KCND2: variants seen among roughly 807,000 people sequenced by gnomAD.
KCND2 encodes the protein A-type voltage-gated potassium channel KCND2.
KCND2 carries 16 observed loss-of-function variants against 54.4 expected under a neutral mutation model. The ratio of observed to expected loss-of-function variants is 0.29; its 90% CI spans 0.20 to 0.45. The LOEUF is 0.45. Ranked by LOEUF, KCND2 falls within the 20% of genes least tolerant of loss-of-function variation. The pLI, the probability that KCND2 is intolerant of heterozygous loss-of-function variation, is 1.00. For missense variants in KCND2, 486 were observed against 824.2 expected, an observed-to-expected ratio of 0.59 and a Z score of 5.02; for synonymous variants, 317 against 310.7, an observed-to-expected ratio of 1.02 and a Z score of -0.21.
At chr7:120,574,742 GT>G (rs994738237) in intron 1 of KCND2, among the ~76,000 whole-genome samples, 5 of 151,716 alleles carry the variant, frequency 3.3e-5, no homozygotes, top group Admixed American at 6.6e-5. Flanking sequence ...ACCATTCTAG[GT>G]TTTTTTTCTC....
chr7:120,584,315 T>G (rs980104876), intron 1 of KCND2, among the ~76,000 whole-genome samples: 3 of 152,214 alleles, frequency 2.0e-5, no homozygotes, highest in African/African-American at 4.8e-5. Context: ...GTCATGGTTT[T>G]TACTGATCAT....
chr7:120,312,989 T>C (rs1373504346), intron 1 of KCND2, among the ~76,000 whole-genome samples: 1 of 152,210 alleles, frequency 6.6e-6, no homozygotes, highest in Admixed American at 6.5e-5. Flanking sequence ...GCATCTCTAA[T>C]GTGACAGTTT....
At chr7:120,520,012 TA>T (rs1791668135) in intron 1 of KCND2, among the ~76,000 whole-genome samples, 1 of 152,088 alleles carries the variant, frequency 6.6e-6, no homozygotes, top group African/African-American at 2.4e-5. Flanking sequence ...ATGAAGAAAA[TA>T]TTTTTTCAAA....
chr7:120,352,684 T>C lies in KCND2; in HGVS notation c.1115+76937T>C, dbSNP rs115100888. ...ATATGTTAGCAGGGTAATCTTGTTA[T>C]ACAATTTAGCTTACATGTGTTAAAA... On this transcript the variant is annotated intron_variant, in intron 1 of 5. Coordinates refer to ENST00000331113, the MANE Select transcript of KCND2 (RefSeq NM_012281.3). 8.4e-3 allele frequency among the ~76,000 whole-genome samples: 1,280 copies of C among 152,252 alleles called. 13 individuals are homozygous for C. Among genetic ancestry groups the C allele is most frequent in the African/African-American group, 0.029 (1,207 of 41,550 alleles).
Position 120,449,095 on chromosome 7 carries a change from C to T in KCND2, c.1115+173348C>T, listed in dbSNP as rs190198048. Among the ~76,000 whole-genome samples, 131 of 152,030 alleles carry T rather than the reference C, an allele frequency of 8.6e-4. 2 individuals are homozygous for T. In the East Asian group the frequency reaches 0.017, roughly 19 times the overall value. ...CTGTAATCCCAGCACTTTGGGAGGCCGAGGTGGGCGGATCACAAGGCCAGG... is the reference window on the plus strand; with the variant it reads ...CTGTAATCCCAGCACTTTGGGAGGCTGAGGTGGGCGGATCACAAGGCCAGG... On this transcript the variant is annotated intron_variant, in intron 1 of 5. Coordinates refer to ENST00000331113, the MANE Select transcript of KCND2 (RefSeq NM_012281.3).
chr7:120,282,979 C>G (rs1267774674), intron 1 of KCND2, among the ~76,000 whole-genome samples: 1 of 152,082 alleles, frequency 6.6e-6, no homozygotes, highest in African/African-American at 2.4e-5. Context: ...TGATATAATG[C>G]CACGTAGAGA....
At chr7:120,578,987 T>C (rs1792477299) in intron 1 of KCND2, among the ~76,000 whole-genome samples, 1 of 151,958 alleles carries the variant, frequency 6.6e-6, no homozygotes. Context: ...TGTAAAGATA[T>C]AGATTTCTTT....
At chr7:120,552,822 T>G (rs1792118926) in intron 1 of KCND2, among the ~76,000 whole-genome samples, 1 of 152,226 alleles carries the variant, frequency 6.6e-6, no homozygotes, top group African/African-American at 2.4e-5. Context: ...GGGTAGCATC[T>G]TCTAAAGCCC....
intron 1 of KCND2, among the ~76,000 whole-genome samples, chr7:120,403,421 A>G (rs1308987090): frequency 6.6e-6 from 1 of 151,472 alleles, no homozygotes; most frequent in Non-Finnish European, 1.5e-5. Flanking sequence ...TGTTCAAGCA[A>G]TTCTCCTGCC....
intron 1 of KCND2, among the ~76,000 whole-genome samples, chr7:120,359,762 C>T (rs577334548): frequency 5.9e-5 from 9 of 152,124 alleles, no homozygotes; most frequent in Non-Finnish European, 1.2e-4. Context: ...ATCCCCATGT[C>T]GAAGGAGGGA....
chr7:120,711,854 A>G (rs1792542154), intron 1 of KCND2, among the ~76,000 whole-genome samples: 1 of 152,174 alleles, frequency 6.6e-6, no homozygotes, highest in Non-Finnish European at 1.5e-5. Flanking sequence ...TAGAATCATA[A>G]TTTATTTAAA....
At chr7:120,672,365 T>C (rs1369800977) in intron 1 of KCND2, among the ~76,000 whole-genome samples, 1 of 152,152 alleles carries the variant, frequency 6.6e-6, no homozygotes, top group Non-Finnish European at 1.5e-5. Flanking sequence ...CTCTTTGATG[T>C]TGTGTACAAT....
intron 1 of KCND2, among the ~76,000 whole-genome samples, chr7:120,287,801 G>A (rs913282029): frequency 4.6e-5 from 7 of 151,976 alleles, no homozygotes; most frequent in Admixed American, 1.3e-4. Context: ...CCGAGATTGC[G>A]CCCCACACTC....
rs576724524 is a variant in KCND2, at chr7:120,613,566, T to C, written c.1116-119337T>C. Among the ~76,000 whole-genome samples, 4 of 152,248 alleles carry C rather than the reference T, an allele frequency of 2.6e-5. No homozygotes were observed. In the South Asian group the frequency reaches 8.3e-4, roughly 32 times the overall value. ...AAAGGAAAAGAGGGTTGCAACCATT[T>C]GTACAATTAAAAACAGTTATAATTT... On this transcript the variant is annotated intron_variant, in intron 1 of 5. Transcript: ENST00000331113.
At chr7:120,292,102 A>C (rs1222129448) in intron 1 of KCND2, among the ~76,000 whole-genome samples, 1 of 151,938 alleles carries the variant, frequency 6.6e-6, no homozygotes, top group East Asian at 1.9e-4. Flanking sequence ...AATAATGTGC[A>C]ACACAAAATA....
intron 1 of KCND2, among the ~76,000 whole-genome samples, chr7:120,368,168 T>C (rs1800714006): frequency 6.6e-6 from 1 of 152,124 alleles, no homozygotes; most frequent in Non-Finnish European, 1.5e-5. Context: ...ATTTCTGTGA[T>C]GTAAAGATTG....
intron 1 of KCND2, among the ~76,000 whole-genome samples, chr7:120,379,369 G>A (rs569070108): frequency 6.6e-6 from 1 of 152,144 alleles, no homozygotes; most frequent in Non-Finnish European, 1.5e-5. Context: ...AAATTAGATA[G>A]TGTGTCCTGT....
rs1173246349 is a variant in KCND2 at position 120,273,628 on chromosome 7, T to A, written c.-1005T>A. 1 of 152,524 alleles carries A rather than the reference T, an allele frequency of 6.6e-6. No individual in the cohort carries two copies. Among genetic ancestry groups the A allele is most frequent in the African/African-American group, 2.4e-5 (1 of 41,438 alleles). 9.4% of individuals were successfully genotyped at this position (152,524 alleles called of 1,614,324 possible). A position where few individuals can be genotyped will look rare whatever the true frequency, so the allele number is the denominator to read the frequency against. ...GGGATGGGGGAAGGGAAAGAAGAGC[T>A]CGCTTGAGCTTTATTTATGCTCTCT... On this transcript the variant is annotated 5_prime_UTR_variant, in exon 1 of 6. Coordinates refer to ENST00000331113, the MANE Select transcript of KCND2 (RefSeq NM_012281.3).
At chr7:120,621,951 A>T (rs1489567601) in intron 1 of KCND2, among the ~76,000 whole-genome samples, 5 of 152,102 alleles carry the variant, frequency 3.3e-5, no homozygotes, top group Non-Finnish European at 7.4e-5. Flanking sequence ...ATTCAACTAT[A>T]TAAAAAAGAA....
Sources: gnomAD v4.1 joint callset for allele counts (sites outside exome capture counted in the v4.1 genomes callset) on GRCh38, gnomAD v4.1.1 for gene constraint, MANE v1.5 for transcripts, NCBI Gene and HGNC (gene_info 2026-07-23, HGNC 2026-07-21) for gene names.